SMARCA5: variants seen among roughly 807,000 people sequenced by gnomAD.
SMARCA5 encodes the protein SNF2 related chromatin remodeling ATPase 5.
In SMARCA5, 18 loss-of-function variants were observed where a neutral mutation model predicts 140.4. The ratio of observed to expected loss-of-function variants is 0.13; its 90% confidence interval spans 0.09 to 0.19. The LOEUF is 0.19. Among genes scored for constraint, SMARCA5 ranks in the 10% least tolerant of loss-of-function variants. The pLI is 1.00. For synonymous variants in SMARCA5, 449 were observed against 419.6 expected, an observed-to-expected ratio of 1.07 and a Z score of -0.86; for missense variants, 606 against 1,276.8, an observed-to-expected ratio of 0.47 and a Z score of 8.01.
intron 1 of SMARCA5, among the ~76,000 whole-genome samples, chr4:143,515,738 T>C (rs1178086098): frequency 6.6e-6 from 1 of 152,180 alleles, no homozygotes; most frequent in Non-Finnish European, 1.5e-5. Context: ...TATTTTCATT[T>C]GCCAGATGGG....
At chr4:143,514,966 A>G (rs988994626) in intron 1 of SMARCA5, among the ~76,000 whole-genome samples, 1 of 152,172 alleles carries the variant, frequency 6.6e-6, no homozygotes, top group Non-Finnish European at 1.5e-5. Context: ...AGATGGGGGA[A>G]GCTGCCAGGC....
Position 143,553,190 on chromosome 4 carries a change from T to C in SMARCA5, c.*6T>C. 1 of 1,604,114 alleles carries C rather than the reference T, an allele frequency of 6.2e-7. No homozygotes were observed. On this transcript the variant is annotated 3_prime_UTR_variant, in exon 24 of 24. Coordinates refer to ENST00000283131, the MANE Select transcript of SMARCA5 (RefSeq NM_003601.4). ...AAAAGAAGCTGAAACTATGAATATG[T>C]TTTTGTTTCATAATCACTAACTTTA...
rs397711781 is a variant in SMARCA5 at position 143,553,986 on chromosome 4, T to TA, written c.*804dup. ...CAGAACTAAGGTGATTTTTTTTTTT[T>TA]AATTTTGAAAGCCCAGCCAAAATGA... On this transcript the variant is annotated 3_prime_UTR_variant, in exon 24 of 24. Coordinates refer to ENST00000283131, the MANE Select transcript of SMARCA5 (RefSeq NM_003601.4). The TA allele has an allele frequency of 4.6e-5, 7 of 151,700 alleles. No homozygotes were observed. Among genetic ancestry groups the TA allele is most frequent in the African/African-American group, 9.7e-5 (4 of 41,340 alleles). The allele number at this position is 151,700 out of a possible 1,614,324, so 9.4% of individuals were successfully genotyped here.
chr4:143,541,409 A>AT (rs1737423536), intron 14 of SMARCA5, among the ~76,000 whole-genome samples: 1 of 152,190 alleles, frequency 6.6e-6, no homozygotes, highest in Non-Finnish European at 1.5e-5. Flanking sequence ...AGTATTGTAC[A>AT]TGTCTTTGGT....
intron 23 of SMARCA5, among the ~76,000 whole-genome samples, chr4:143,552,625 A>T (rs1296075839): frequency 6.6e-6 from 1 of 152,038 alleles, no homozygotes; most frequent in South Asian, 2.1e-4. Context: ...TGGTATTATG[A>T]CTTTTACTGT....
In SMARCA5 at chr4:143,515,803, A is replaced by G. The variant is rs192712355; in HGVS notation, c.178-1552A>G. 3.3e-4 allele frequency among the ~76,000 whole-genome samples: 51 copies of G among 152,294 alleles called. 1 individual carries two copies. The East Asian group carries it at 5.6e-3, about 17-fold the overall frequency. Reference sequence around the variant, plus strand: ...AATAAAACTCGGATCTGCCTTTAAAAGTGAGCCGTTTCCCACCCATCTTGC... The same window carrying G: ...AATAAAACTCGGATCTGCCTTTAAAGGTGAGCCGTTTCCCACCCATCTTGC... On this transcript the variant is annotated intron_variant, in intron 1 of 23. Coordinates refer to ENST00000283131, the MANE Select transcript of SMARCA5 (RefSeq NM_003601.4).
chr4:143,537,310 A>AT (rs1444709771), intron 11 of SMARCA5, among the ~76,000 whole-genome samples: 2 of 152,192 alleles, frequency 1.3e-5, no homozygotes, highest in Admixed American at 6.5e-5. Flanking sequence ...AAATTATTAC[A>AT]TATCTCTTAA....
At position 143,553,072 on chromosome 4, in the gene SMARCA5, A is replaced by C. The variant is rs765285871; in HGVS notation, c.3094-47A>C. On this transcript the variant is annotated intron_variant, in intron 23 of 23. Transcript: ENST00000283131. ...TATAATGTGTCTGCAACTATATTTC[A>C]TGTTTATATTAGTCTTGTGAAAAGT... The C allele has an allele frequency of 3.6e-6, 5 of 1,391,980 alleles. No individual in the cohort carries two copies. The South Asian group carries it at 4.6e-5, about 13-fold the overall frequency. The allele number at this position is 1,391,980 out of a possible 1,614,324, so 86.2% of individuals were successfully genotyped here. A position where few individuals can be genotyped will look rare whatever the true frequency, so the allele number is the denominator to read the frequency against.
In SMARCA5 at chr4:143,513,757, C is replaced by T. The variant is rs1050842663; in HGVS notation, c.-168C>T. Reference sequence around the variant, plus strand: ...CAGAACGTTTGGGAGTGTGCAGCTCCTGGGCCCGGCTCAGGCCCGTCGCGG... The same window carrying T: ...CAGAACGTTTGGGAGTGTGCAGCTCTTGGGCCCGGCTCAGGCCCGTCGCGG... On this transcript the variant is annotated 5_prime_UTR_variant, in exon 1 of 24. Transcript: ENST00000283131. 4.2e-6 allele frequency: 3 copies of T among 707,450 alleles called. No homozygotes were observed. The highest frequency in any genetic ancestry group is 4.6e-6 in the Non-Finnish European group (2 of 437,266). 43.8% of individuals were successfully genotyped at this position (707,450 alleles called of 1,614,324 possible).
In SMARCA5 at chr4:143,547,993, C is replaced by T. The variant is rs758117277; in HGVS notation, c.2838C>T (p.Asn946=). The change falls in exon 22 of 24, where the codon AAC becomes AAT. Residue 946 remains asparagine (N), a synonymous_variant. Transcript: ENST00000283131. ...CATATGGTACTAACAAAGGAAAAAA[C>T]TATACTGAAGAAGAAGATCGTTTTC... The part of the protein sequence containing the change: ...RISYGTNKGK[N]YTEEEDRFLI... 4.7e-5 allele frequency: 75 copies of T among 1,611,724 alleles called. 1 individual carries two copies. In the Middle Eastern group the frequency reaches 2.5e-3, roughly 54 times the overall value.
At chr4:143,514,344 C>G in intron 1 of SMARCA5, 1 of 481,928 alleles carries the variant, frequency 2.1e-6, no homozygotes, top group East Asian at 3.6e-5. Context: ...TGAATCCTGA[C>G]AAATATTTGA....
intron 17 of SMARCA5, among the ~76,000 whole-genome samples, 184 bp downstream of exon 17, chr4:143,545,031 C>T (rs1737495876): frequency 6.7e-6 from 1 of 150,330 alleles, no homozygotes; most frequent in Admixed American, 6.6e-5. Context: ...CAACCTCCGC[C>T]TCCCGGGTTC....
At chr4:143,530,594 G>A in intron 9 of SMARCA5, 68 bp downstream of exon 9, 1 of 1,065,026 alleles carries the variant, frequency 9.4e-7, no homozygotes, top group Non-Finnish European at 1.4e-6. Flanking sequence ...TAAATTAGTA[G>A]ATTATTTTCC....
intron 15 of SMARCA5, 44 bp downstream of exon 15, chr4:143,543,701 G>C: frequency 6.4e-7 from 1 of 1,553,054 alleles, no homozygotes; most frequent in Non-Finnish European, 8.8e-7. Flanking sequence ...GAATGTTTTA[G>C]ACCAGAAACA....
At chr4:143,548,921 A>T (rs1193079401) in intron 22 of SMARCA5, among the ~76,000 whole-genome samples, 1 of 151,858 alleles carries the variant, frequency 6.6e-6, no homozygotes, top group East Asian at 1.9e-4. Flanking sequence ...ACCACTGAAA[A>T]TTTTTTTTCA....
intron 2 of SMARCA5, among the ~76,000 whole-genome samples, chr4:143,520,633 A>G (rs1239592509): frequency 1.3e-5 from 2 of 152,226 alleles, no homozygotes; most frequent in Admixed American, 6.5e-5. Context: ...CATTTTAAAC[A>G]TTTATAGACA....
intron 9 of SMARCA5, among the ~76,000 whole-genome samples, chr4:143,531,405 A>G (rs1047244661): frequency 6.6e-6 from 1 of 152,222 alleles, no homozygotes. Context: ...AGCAGGTTAA[A>G]GCAGGAGCTT....
rs550026095 is a variant in SMARCA5 at position 143,530,322 on chromosome 4, G to A, written c.1090-136G>A. 5.9e-6 allele frequency: 3 copies of A among 508,806 alleles called. No homozygotes were observed. In the Admixed American group the frequency reaches 1.1e-4, roughly 19 times the overall value. 31.5% of individuals were successfully genotyped at this position (508,806 alleles called of 1,614,324 possible). ...TAGTAACAATGACACATGAAAACCA[G>A]GATTGGACTAAGTGATTTTTTTTTG... On this transcript the variant is annotated intron_variant, in intron 8 of 23. Transcript: ENST00000283131.
At chr4:143,528,854 G>A (rs780399998) in intron 8 of SMARCA5, 140 bp downstream of exon 8, 29 of 631,694 alleles carry the variant, frequency 4.6e-5, no homozygotes, top group Non-Finnish European at 6.3e-5. Context: ...TAGTTAGCCT[G>A]GTGTTATCTC....
Sources: allele counts gnomAD v4.1 joint callset (sites outside exome capture counted in the v4.1 genomes callset), GRCh38; gene constraint gnomAD v4.1.1; transcripts MANE v1.5; gene names NCBI Gene and HGNC (gene_info 2026-07-23, HGNC 2026-07-21).